PKIB: variants seen among roughly 807,000 people sequenced by gnomAD.
The protein encoded by PKIB is cAMP-dependent protein kinase inhibitor beta.
Under a neutral mutation model 4.5 loss-of-function variants are expected in PKIB, and 2 were observed. The observed-to-expected ratio is 0.44, with a 90% CI of 0.18 to 1.39. The LOEUF (loss-of-function observed/expected upper bound fraction) is 1.39. PKIB is among the 40% of genes most tolerant of loss of function. The probability of loss-of-function intolerance (pLI) is 0.27; values close to 1 mark genes in which losing one functional copy is unlikely to be tolerated. For missense variants in PKIB, 94 were observed against 92.6 expected (o/e 1.02, Z -0.06); for synonymous variants, 38 against 36.0 (o/e 1.06, Z -0.20).
At chr6:122,620,080 C>T (rs1775162859) in intron 1 of PKIB, among the ~76,000 whole-genome samples, 1 of 152,032 alleles carries the variant, frequency 6.6e-6, no homozygotes, top group African/African-American at 2.4e-5. Flanking sequence ...CCCCATATGC[C>T]ACCTGTACAA....
intron 2 of PKIB, among the ~76,000 whole-genome samples, chr6:122,575,825 C>T (rs1372477672): frequency 6.6e-6 from 1 of 152,100 alleles, no homozygotes; most frequent in Non-Finnish European, 1.5e-5. Context: ...GCTTGGGTGA[C>T]AAGTGCACTA....
At chr6:122,621,058 C>T (rs934420982) in intron 1 of PKIB, among the ~76,000 whole-genome samples, 1 of 152,100 alleles carries the variant, frequency 6.6e-6, no homozygotes, top group Non-Finnish European at 1.5e-5. Context: ...TAACCTACTA[C>T]CAGATGGATT....
chr6:122,491,337 C>T (rs778711823), intron 2 of PKIB, among the ~76,000 whole-genome samples: 8 of 152,124 alleles, frequency 5.3e-5, no homozygotes, highest in Admixed American at 1.3e-4. Flanking sequence ...AGTTAAACTC[C>T]ACCATTTTGC....
rs2114953566 is a variant in PKIB, at chr6:122,673,979, T to TA, written c.-75-1098dup. 2.0e-5 allele frequency among the ~76,000 whole-genome samples: 3 copies of TA among 152,162 alleles called. No homozygotes were observed. The South Asian group carries it at 6.2e-4, about 32-fold the overall frequency. On this transcript the variant is annotated intron_variant, in intron 2 of 4. Coordinates refer to ENST00000368452, the MANE Select transcript of PKIB (RefSeq NM_181795.3). Reference sequence around the variant, plus strand: ...GTTGACCCAGAAGAGATGAAGAAGATATACTAGCAAGGAGATGGGGAAGAG... The same window carrying TA: ...GTTGACCCAGAAGAGATGAAGAAGATAATACTAGCAAGGAGATGGGGAAGAG...
intron 2 of PKIB, among the ~76,000 whole-genome samples, chr6:122,514,432 A>G (rs1332973877): frequency 6.6e-6 from 1 of 152,238 alleles, no homozygotes; most frequent in African/African-American, 2.4e-5. Context: ...TCATACTGAT[A>G]AAGTTTAGAG....
intron 2 of PKIB, among the ~76,000 whole-genome samples, chr6:122,658,507 AT>A (rs1297566598): frequency 6.6e-6 from 1 of 152,106 alleles, no homozygotes; most frequent in Non-Finnish European, 1.5e-5. Context: ...ACTTTCACTA[AT>A]TGCCTTCATT....
chr6:122,506,355 CTCA>C (rs1398452901), intron 2 of PKIB, among the ~76,000 whole-genome samples: 2 of 152,126 alleles, frequency 1.3e-5, no homozygotes, highest in African/African-American at 4.8e-5. Context: ...ATTGAAGTCT[CTCA>C]TCATTTTTTT....
intron 2 of PKIB, among the ~76,000 whole-genome samples, chr6:122,532,707 C>G (rs1777295486): frequency 1.3e-5 from 2 of 152,126 alleles, no homozygotes; most frequent in African/African-American, 2.4e-5. Context: ...CTTCCTTTTT[C>G]ATGGCTGGAT....
chr6:122,582,976 A>G (rs905315153), intron 2 of PKIB, among the ~76,000 whole-genome samples: 1 of 152,060 alleles, frequency 6.6e-6, no homozygotes, highest in Non-Finnish European at 1.5e-5. Flanking sequence ...TCTTCTGAAT[A>G]TTGATTAATA....
intron 2 of PKIB, among the ~76,000 whole-genome samples, chr6:122,568,491 C>T (rs529886813): frequency 1.3e-5 from 2 of 152,218 alleles, no homozygotes; most frequent in Admixed American, 1.3e-4. Flanking sequence ...TTAACCTTAC[C>T]CAGAGCTGGA....
At chr6:122,657,933 A>T (rs1776838452) in intron 2 of PKIB, among the ~76,000 whole-genome samples, 1 of 152,214 alleles carries the variant, frequency 6.6e-6, no homozygotes, top group Non-Finnish European at 1.5e-5. Context: ...TGTGTACGCT[A>T]GCCTTAAAGA....
intron 2 of PKIB, among the ~76,000 whole-genome samples, chr6:122,582,715 G>T (rs1773738828): frequency 6.6e-6 from 1 of 152,012 alleles, no homozygotes. Flanking sequence ...TGTGATAAAG[G>T]AACTCATGGC....
intron 2 of PKIB, among the ~76,000 whole-genome samples, chr6:122,501,855 T>C (rs928793150): frequency 3.1e-4 from 47 of 152,272 alleles, no homozygotes; most frequent in African/African-American, 1.1e-3. Context: ...TCCAAACTTT[T>C]GTGATAAGTT....
intron 3 of PKIB, among the ~76,000 whole-genome samples, chr6:122,686,306 C>A (rs1046077017): frequency 1.3e-5 from 2 of 152,064 alleles, no homozygotes; most frequent in African/African-American, 2.4e-5. Flanking sequence ...CTCATCCTCA[C>A]CAGCATTTGT....
At chr6:122,576,689 A>AAAAAAAAAAAATATATATAT (rs1345822382) in intron 2 of PKIB, among the ~76,000 whole-genome samples, 1 of 34,312 alleles carries the variant, frequency 2.9e-5, no homozygotes, top group African/African-American at 1.3e-4. Context: ...AAAAAAAAAA[A>AAAAAAAAAAAATATATATAT]ATATATATAT....
At chr6:122,627,535 T>C (rs1302692241) in intron 1 of PKIB, among the ~76,000 whole-genome samples, 1 of 152,236 alleles carries the variant, frequency 6.6e-6, no homozygotes. Flanking sequence ...GAACTCATCA[T>C]GTTCCTTCCA....
chr6:122,600,688 T>C (rs1288483019), intron 3 of PKIB, among the ~76,000 whole-genome samples: 1 of 152,130 alleles, frequency 6.6e-6, no homozygotes, highest in Non-Finnish European at 1.5e-5. Context: ...AACATAACTA[T>C]GACCAAGACC....
chr6:122,513,775 C>T (rs1776659227), intron 2 of PKIB, among the ~76,000 whole-genome samples: 1 of 152,138 alleles, frequency 6.6e-6, no homozygotes, highest in Admixed American at 6.5e-5. Flanking sequence ...TTATGGCCTC[C>T]AGCTGTATCT....
At chr6:122,540,776 T>C (rs928672122) in intron 2 of PKIB, among the ~76,000 whole-genome samples, 2 of 152,052 alleles carry the variant, frequency 1.3e-5, no homozygotes, top group Admixed American at 6.6e-5. Flanking sequence ...ATGTTGACAG[T>C]GGGATGTTAA....
Sources: gnomAD v4.1 joint callset for allele counts (sites outside exome capture counted in the v4.1 genomes callset) on GRCh38, gnomAD v4.1.1 for gene constraint, MANE v1.5 for transcripts, NCBI Gene and HGNC (gene_info 2026-07-23, HGNC 2026-07-21) for gene names.